SUN1: variants seen among roughly 807,000 people sequenced by gnomAD.
SUN1 encodes SUN domain-containing protein 1.
A neutral mutation model predicts 103.2 loss-of-function variants in SUN1; 61 were observed. The ratio of observed to expected loss-of-function variants is 0.59; its 90% confidence interval spans 0.48 to 0.73. The LOEUF is 0.73. Among genes scored for constraint, SUN1 ranks in the 30% least tolerant of loss-of-function variants. The pLI, the probability that SUN1 is intolerant of heterozygous loss-of-function variation, is 0.00. For missense variants in SUN1, 1,052 were observed against 1,034.6 expected (o/e 1.02, Z -0.23); for synonymous variants, 490 against 425.7 (o/e 1.15, Z -1.86).
intron 10 of SUN1, among the ~76,000 whole-genome samples, chr7:854,346 C>T (rs1485699377): frequency 4.6e-5 from 7 of 152,252 alleles, no homozygotes; most frequent in African/African-American, 9.6e-5. Flanking sequence ...CTCACGTTTG[C>T]GTCTGCACTG....
At position 818,863 on chromosome 7, in the gene SUN1, TCCC is replaced by T. The variant is rs1226895605; in HGVS notation, c.-74+2195_-74+2197del. Among the ~76,000 whole-genome samples the T allele has an allele frequency of 6.5e-5, 8 of 123,952 alleles. No individual in the cohort carries two copies. The South Asian group carries it at 2.0e-3, about 31-fold the overall frequency. 81.3% of individuals were successfully genotyped at this position (123,952 alleles called of 152,430 possible). ...TCATTCAGGTCCTTCCCCGCTCCCCTCCCCCCCTTTTTTTTTTTGAGACGGAGT... is the reference window on the plus strand; with the variant it reads ...TCATTCAGGTCCTTCCCCGCTCCCCTCCCCTTTTTTTTTTTGAGACGGAGT... On this transcript the variant is annotated intron_variant, in intron 1 of 17. Coordinates refer to the SUN1 transcript ENST00000389574.
intron 12 of SUN1, among the ~76,000 whole-genome samples, chr7:857,481 G>T (rs1296094801): frequency 6.6e-6 from 1 of 152,164 alleles, no homozygotes. Flanking sequence ...TTACAAGCAT[G>T]AGCCACCGCA....
intron 1 of SUN1, among the ~76,000 whole-genome samples, chr7:838,325 G>T (rs1805525406): frequency 6.6e-6 from 1 of 152,238 alleles, no homozygotes; most frequent in Non-Finnish European, 1.5e-5. Flanking sequence ...GAAGCCTTTA[G>T]ATAAATTCTA....
chr7:824,774 C>T (rs552251711), intron 1 of SUN1, among the ~76,000 whole-genome samples: 2 of 150,352 alleles, frequency 1.3e-5, no homozygotes, highest in Admixed American at 6.6e-5. Flanking sequence ...AGTGAAGAAA[C>T]GTTGCATCTT....
At chr7:865,709 T>C (rs543200588) in intron 15 of SUN1, among the ~76,000 whole-genome samples, 13 of 152,290 alleles carry the variant, frequency 8.5e-5, no homozygotes, top group South Asian at 2.1e-4. Flanking sequence ...CCACCAACAG[T>C]GCGTGAGGGT....
intron 2 of SUN1, chr7:839,289 C>G: frequency 3.2e-6 from 1 of 310,398 alleles, no homozygotes; most frequent in Non-Finnish European, 5.9e-6. Context: ...CTTTGTGGTC[C>G]TGTGGTGGGA....
chr7:821,090 T>TA (rs1441281553), intron 1 of SUN1, among the ~76,000 whole-genome samples: 2 of 150,724 alleles, frequency 1.3e-5, no homozygotes, highest in African/African-American at 4.9e-5. Flanking sequence ...AATATGCCTT[T>TA]AAAAAATAGC....
intron 1 of SUN1, among the ~76,000 whole-genome samples, chr7:835,560 A>G (rs368484131): frequency 6.6e-6 from 1 of 152,160 alleles, no homozygotes; most frequent in Admixed American, 6.5e-5. Context: ...CTTAAATCTC[A>G]ATCTGTAATT....
chr7:826,466 G>A (rs927826399), intron 1 of SUN1, among the ~76,000 whole-genome samples: 3 of 152,208 alleles, frequency 2.0e-5, no homozygotes, highest in Non-Finnish European at 4.4e-5. Flanking sequence ...TGGAGCAGGC[G>A]TCCACTGCTG....
At chr7:854,420 G>T (rs1825226669) in intron 10 of SUN1, among the ~76,000 whole-genome samples, 1 of 152,270 alleles carries the variant, frequency 6.6e-6, no homozygotes, top group Non-Finnish European at 1.5e-5. Context: ...ACACCACACA[G>T]AATTTTAAAA....
chr7:870,316 G>A (rs185503771), intron 17 of SUN1, among the ~76,000 whole-genome samples: 34 of 151,806 alleles, frequency 2.2e-4, no homozygotes, highest in East Asian at 3.9e-4. Context: ...TTGGCCAGGC[G>A]CTGTGGCTCA....
chr7:843,906 T>A (rs1456745286), intron 5 of SUN1: 1 of 1,173,676 alleles, frequency 8.5e-7, no homozygotes, highest in Non-Finnish European at 1.1e-6. Context: ...CTGTGAAGAG[T>A]GGTTATGCCA....
intron 5 of SUN1, chr7:848,711 C>T (rs1262000777): frequency 1.1e-5 from 9 of 829,428 alleles, no homozygotes; most frequent in African/African-American, 1.1e-4. Context: ...CCCTCGCTGC[C>T]TCCTCCTGTG....
intron 1 of SUN1, 64 bp downstream of exon 1, chr7:832,665 G>A: frequency 2.9e-6 from 4 of 1,363,214 alleles, no homozygotes; most frequent in South Asian, 2.4e-5. Context: ...GCGGTGGCGT[G>A]GACCTTAACA....
chr7:845,431 G>C (rs946721164), intron 5 of SUN1, among the ~76,000 whole-genome samples: 5 of 152,166 alleles, frequency 3.3e-5, no homozygotes, highest in African/African-American at 1.2e-4. Flanking sequence ...GACTTGTGCG[G>C]CCCACACTAG....
chr7:832,752 A>G (rs1799137819), intron 1 of SUN1, among the ~76,000 whole-genome samples, 151 bp downstream of exon 1: 1 of 152,196 alleles, frequency 6.6e-6, no homozygotes, highest in South Asian at 2.1e-4. Context: ...TTATGGCTTT[A>G]GAGGTGGTTT....
intron 5 of SUN1, among the ~76,000 whole-genome samples, chr7:846,408 A>G (rs1815806681): frequency 6.6e-6 from 1 of 152,046 alleles, no homozygotes; most frequent in Admixed American, 6.6e-5. Flanking sequence ...TGCCCAGCCC[A>G]ACACACATTG....
In SUN1 at chr7:855,816, G is replaced by A. The variant is rs190954583; in HGVS notation, c.1351-542G>A. 1.3e-3 allele frequency among the ~76,000 whole-genome samples: 199 copies of A among 152,184 alleles called. 1 individual carries two copies. The highest frequency in any genetic ancestry group is 4.3e-3 in the African/African-American group (178 of 41,520). ...CCTCTGTCCACCCGAGAGGGTCTGC[G>A]GGGCGCCTCCTCCTCTGTCCGCCCA... On this transcript the variant is annotated intron_variant, in intron 11 of 18. Coordinates refer to ENST00000401592, the MANE Select transcript of SUN1 (RefSeq NM_001130965.3).
intron 1 of SUN1, among the ~76,000 whole-genome samples, chr7:826,038 A>T (rs1446978628): frequency 6.6e-6 from 1 of 152,112 alleles, no homozygotes; most frequent in Non-Finnish European, 1.5e-5. Flanking sequence ...CAGGAGTTCA[A>T]GACCAGCCTG....
Sources: gnomAD v4.1 joint callset for allele counts (sites outside exome capture counted in the v4.1 genomes callset) on GRCh38, gnomAD v4.1.1 for gene constraint, MANE v1.5 for transcripts, NCBI Gene and HGNC (gene_info 2026-07-23, HGNC 2026-07-21) for gene names.